TRNT1: variants seen among roughly 807,000 people sequenced by gnomAD.
TRNT1 encodes tRNA nucleotidyl transferase 1.
TRNT1 carries 44 observed loss-of-function variants against 45.6 expected under a neutral mutation model. The observed-to-expected ratio is 0.97, with a 90% CI of 0.76 to 1.24. The LOEUF (loss-of-function observed/expected upper bound fraction) is 1.24, where lower values mean the gene tolerates loss of function less well. TRNT1 is among the 50% of genes most tolerant of loss of function. The pLI is 0.00. For synonymous variants in TRNT1, 201 were observed against 171.4 expected, an observed-to-expected ratio of 1.17 and a Z score of -1.35; for missense variants, 633 against 504.4, an observed-to-expected ratio of 1.25 and a Z score of -2.44.
At chr3:3,146,689 GA>G in intron 6 of TRNT1, 66 bp downstream of exon 6, 3 of 1,382,144 alleles carry the variant, frequency 2.2e-6, no homozygotes, top group African/African-American at 1.5e-5. Context: ...ATTTCATAAG[GA>G]AAAAATGTTT....
In TRNT1 at chr3:3,137,413, T is replaced by TAA; in HGVS notation, c.304_305dup (p.Asn102LysfsTer38). ...TTTCAGTCGGCTGGGATTCGGATGA[T>TAA]AAACAACAGAGGAGAAAAGCACGGA... On this transcript the variant is annotated frameshift_variant, in exon 3 of 8. Coordinates refer to ENST00000251607, the MANE Select transcript of TRNT1 (RefSeq NM_182916.3). LOFTEE classifies it high-confidence loss of function. The TAA allele has an allele frequency of 6.2e-7, 1 of 1,613,544 alleles. No homozygotes were observed. The highest frequency in any genetic ancestry group is 8.5e-7 in the Non-Finnish European group (1 of 1,179,764).
downstream of TRNT1, chr3:3,152,918 A>G (rs966396177): frequency 2.8e-6 from 1 of 361,670 alleles, no homozygotes; most frequent in Non-Finnish European, 5.2e-6. Context: ...TGCAATGACA[A>G]GGTCCTGTGT....
chr3:3,151,199 A>G (rs1201291240), downstream of TRNT1, among the ~76,000 whole-genome samples: 1 of 152,194 alleles, frequency 6.6e-6, no homozygotes, highest in African/African-American at 2.4e-5. Context: ...GAAACCTAAA[A>G]ACATTTCTAA....
downstream of TRNT1, chr3:3,150,023 C>CTT (rs1235899262): frequency 1.3e-5 from 2 of 152,052 alleles, no homozygotes; most frequent in African/African-American, 4.8e-5. Flanking sequence ...TAGTTTCACA[C>CTT]TTAAGGTTTA....
rs75033443 is a variant in TRNT1, at chr3:3,129,173, C to T, written c.133C>T (p.Leu45=). The change falls in exon 2 of 8, where the codon CTG becomes TTG. Residue 45 remains leucine, a synonymous_variant. Transcript: ENST00000251607. ...ATTCCAGTCACTTTTCACAGAAGGA[C>T]TGAAGAGTCTGACAGGTGAGAGATT... The part of the protein sequence containing the change: ...PEFQSLFTEG[L]KSLTELFVKE... 0.014 allele frequency: 22,636 copies of T among 1,613,990 alleles called. 410 individuals carry two copies. The highest frequency in any genetic ancestry group is 0.086 in the African/African-American group (6,448 of 75,026).
intron 2 of TRNT1, 181 bp downstream of exon 2, chr3:3,129,369 C>G: frequency 1.8e-6 from 1 of 565,732 alleles, no homozygotes; most frequent in Non-Finnish European, 3.1e-6. Flanking sequence ...GGGCTCACTC[C>G]TTGGCCTCCC....
intron 4 of TRNT1, 127 bp downstream of exon 4, chr3:3,140,775 C>A: frequency 1.6e-6 from 2 of 1,231,030 alleles, no homozygotes; most frequent in Non-Finnish European, 2.2e-6. Context: ...GATGGTTTAG[C>A]AGATTGCTTC....
At position 3,132,623 on chromosome 3, in the gene TRNT1, G is replaced by A. The variant is rs539043592; in HGVS notation, c.148+3435G>A. Among the ~76,000 whole-genome samples the A allele has an allele frequency of 2.8e-3, 295 of 104,132 alleles. 9 individuals carry two copies. In the Admixed American group the frequency reaches 0.032, roughly 11 times the overall value. The allele number at this position is 104,132 out of a possible 152,430, so 68.3% of individuals were successfully genotyped here. ...GGTGCAGCGCACCAGCATGGCACAT[G>A]TATACATATGTAACTAACCTGCACA... On this transcript the variant is annotated intron_variant, in intron 2 of 7. Coordinates refer to ENST00000251607, the MANE Select transcript of TRNT1 (RefSeq NM_182916.3).
Position 3,142,456 on chromosome 3 carries a change from T to G in TRNT1, c.481+1808T>G, listed in dbSNP as rs113487028. ...AGAATTCCAACTCAGGCAGCCTGACTCCAGAGGTCACATTCTTAACCACTA... is the reference window on the plus strand; with the variant it reads ...AGAATTCCAACTCAGGCAGCCTGACGCCAGAGGTCACATTCTTAACCACTA... On this transcript the variant is annotated intron_variant, in intron 4 of 7. Coordinates refer to ENST00000251607, the MANE Select transcript of TRNT1 (RefSeq NM_182916.3). Among the ~76,000 whole-genome samples, 776 of 152,310 alleles carry G rather than the reference T, an allele frequency of 5.1e-3. 5 individuals carry two copies. Among genetic ancestry groups the G allele is most frequent in the African/African-American group, 0.017 (727 of 41,554 alleles).
chr3:3,141,564 T>A (rs564813488), intron 4 of TRNT1, among the ~76,000 whole-genome samples: 3 of 152,226 alleles, frequency 2.0e-5, no homozygotes, highest in South Asian at 2.1e-4. Flanking sequence ...TCAGCTTAAC[T>A]TTTTTGTTTA....
rs1424196039 is a variant in TRNT1, at chr3:3,147,480, T to G, written c.833T>G (p.Phe278Cys). ...GLPANASLEE[F>C]DKVSKNVDGF... The stretch of plus-strand genomic sequence containing the variant: ...CCTGCTAATGCAAGTTTAGAAGAAT[T>G]TGACAAAGTCAGTAAAAATGTTGAT... The change falls in exon 7 of 8, where the codon TTT becomes TGT. Residue 278 changes from phenylalanine (F) to cysteine (C), a missense_variant. Phe to Cys is a radical substitution (Grantham distance 205). Transcript: ENST00000251607. The G allele has an allele frequency of 1.7e-5, 28 of 1,613,634 alleles. No homozygotes were observed. The highest frequency in any genetic ancestry group is 2.4e-5 in the Non-Finnish European group (28 of 1,179,730).
chr3:3,147,008 A>G (rs1320203820), intron 6 of TRNT1, among the ~76,000 whole-genome samples: 1 of 152,268 alleles, frequency 6.6e-6, no homozygotes, highest in Non-Finnish European at 1.5e-5. Flanking sequence ...ACTTGTACAC[A>G]GAAATTGTTC....
intron 4 of TRNT1, among the ~76,000 whole-genome samples, chr3:3,143,606 G>T (rs191408696): frequency 6.6e-6 from 1 of 152,342 alleles, no homozygotes; most frequent in African/African-American, 2.4e-5. Context: ...GGCCGGGCAT[G>T]GTGGCTTATG....
At chr3:3,151,486 C>T (rs1465493417), downstream of TRNT1, among the ~76,000 whole-genome samples, 1 of 88,820 alleles carries the variant, frequency 1.1e-5, no homozygotes. Context: ...GGACACGTCT[C>T]AAAAAGTAAA....
At position 3,147,703 on chromosome 3, in the gene TRNT1, T is replaced by C. The variant is rs1559231416; in HGVS notation, c.1056T>C (p.Asp352=). Residue 352 remains aspartate (D), a splice_region_variant and synonymous_variant, in exon 7 of 8, where the codon GAT becomes GAC. Transcript: ENST00000251607. ...PLKPYQDFII[D]SREPDATTRV... ...AACCCTATCAAGACTTCATTATAGA[T>C]GTAAGTATATACTAGGCTTGGTCAG... The C allele has an allele frequency of 6.2e-7, 1 of 1,607,992 alleles. No individual in the cohort carries two copies. The highest frequency in any genetic ancestry group is 8.5e-7 in the Non-Finnish European group (1 of 1,176,974).
intron 2 of TRNT1, chr3:3,130,660 G>A (rs1704960655): frequency 6.6e-6 from 1 of 152,184 alleles, no homozygotes; most frequent in Non-Finnish European, 1.5e-5. Flanking sequence ...TAGAAATGGT[G>A]AAATAAATTT....
intron 2 of TRNT1, among the ~76,000 whole-genome samples, chr3:3,135,254 T>A (rs1055210609): frequency 6.6e-6 from 1 of 151,232 alleles, no homozygotes; most frequent in Non-Finnish European, 1.5e-5. Context: ...AGGAAAACTG[T>A]GGGGAGAGTT....
intron 2 of TRNT1, chr3:3,130,411 T>C (rs1367961989): frequency 6.2e-6 from 1 of 161,552 alleles, no homozygotes; most frequent in East Asian, 1.9e-4. Flanking sequence ...TTTCCCATTC[T>C]TGAAATTGGA....
At chr3:3,151,862 G>A (rs1383989790), downstream of TRNT1, among the ~76,000 whole-genome samples, 1 of 151,966 alleles carries the variant, frequency 6.6e-6, no homozygotes, top group African/African-American at 2.4e-5. Context: ...AGAAAAGCAG[G>A]ATTCAATGGG....
Sources: allele counts gnomAD v4.1 joint callset (sites outside exome capture counted in the v4.1 genomes callset), GRCh38; gene constraint gnomAD v4.1.1; transcripts MANE v1.5; gene names NCBI Gene and HGNC (gene_info 2026-07-23, HGNC 2026-07-21).